Variants in CACNA2D1 observed in about 807,000 individuals in gnomAD.
CACNA2D1 encodes voltage-dependent calcium channel subunit alpha-2/delta-1.
A neutral mutation model predicts 171.5 loss-of-function variants in CACNA2D1; 53 were observed. The ratio of observed to expected loss-of-function variants is 0.31; its 90% confidence interval spans 0.25 to 0.39. The LOEUF (loss-of-function observed/expected upper bound fraction) is 0.39. Among genes scored for constraint, CACNA2D1 ranks in the 10% least tolerant of loss-of-function variants. The probability of loss-of-function intolerance (pLI) is 1.00; values close to 1 mark genes in which losing one functional copy is unlikely to be tolerated. For missense variants in CACNA2D1, 903 were observed against 1,299.8 expected, an observed-to-expected ratio of 0.69 and a Z score of 4.69; for synonymous variants, 442 against 443.1, an observed-to-expected ratio of 1.00 and a Z score of 0.03.
intron 1 of CACNA2D1, among the ~76,000 whole-genome samples, chr7:82,370,375 C>A (rs1167871067): frequency 6.6e-6 from 1 of 151,680 alleles, no homozygotes; most frequent in Non-Finnish European, 1.5e-5. Context: ...ATAAGTGGAG[C>A]AGTATACAGA....
At chr7:82,341,460 T>G (rs1818623928) in intron 2 of CACNA2D1, among the ~76,000 whole-genome samples, 1 of 152,182 alleles carries the variant, frequency 6.6e-6, no homozygotes, top group African/African-American at 2.4e-5. Context: ...ATTAGCTGTT[T>G]TAACAAAATG....
At chr7:82,120,381 T>G (rs1053267460) in intron 5 of CACNA2D1, among the ~76,000 whole-genome samples, 1 of 152,354 alleles carries the variant, frequency 6.6e-6, no homozygotes, top group East Asian at 1.9e-4. Context: ...CAGATATTAC[T>G]GATTTTAGAA....
At chr7:82,388,174 T>C (rs1181744352) in intron 1 of CACNA2D1, among the ~76,000 whole-genome samples, 3 of 152,142 alleles carry the variant, frequency 2.0e-5, no homozygotes, top group African/African-American at 4.8e-5. Context: ...TCTTCTTATA[T>C]AAAAACAGGA....
chr7:82,259,557 A>G (rs1381990272), intron 3 of CACNA2D1, among the ~76,000 whole-genome samples: 4 of 152,312 alleles, frequency 2.6e-5, no homozygotes, highest in Non-Finnish European at 5.9e-5. Context: ...TATTAACTAT[A>G]TACTACTTTC....
Position 81,948,565 on chromosome 7 carries a change from C to A in CACNA2D1, c.*1827G>T, listed in dbSNP as rs1792229353. 1 of 151,842 alleles carries A rather than the reference C, an allele frequency of 6.6e-6. No homozygotes were observed. The highest frequency in any genetic ancestry group is 1.5e-5 in the Non-Finnish European group (1 of 67,764). The allele number at this position is 151,842 out of a possible 1,614,324, so 9.4% of individuals were successfully genotyped here. ...AAGCTAAAAACAAAACAAATGTTATCTTTTAAGCTACGTTAAATTATTGGT... is the reference window on the plus strand; with the variant it reads ...AAGCTAAAAACAAAACAAATGTTATATTTTAAGCTACGTTAAATTATTGGT... On this transcript the variant is annotated 3_prime_UTR_variant, in exon 39 of 39. Coordinates refer to ENST00000356860, the MANE Select transcript of CACNA2D1 (RefSeq NM_000722.4).
At chr7:82,123,756 A>C (rs1790009855) in intron 5 of CACNA2D1, among the ~76,000 whole-genome samples, 1 of 152,138 alleles carries the variant, frequency 6.6e-6, no homozygotes, top group Non-Finnish European at 1.5e-5. Context: ...CTGAAAAATA[A>C]AATAATATAT....
chr7:82,110,875 G>A (rs530912526), intron 6 of CACNA2D1, among the ~76,000 whole-genome samples: 22 of 151,904 alleles, frequency 1.4e-4, no homozygotes, highest in African/African-American at 4.8e-4. Flanking sequence ...TATTTTTATC[G>A]AGAGCACTCA....
intron 10 of CACNA2D1, among the ~76,000 whole-genome samples, chr7:82,056,189 A>T (rs1162377325): frequency 6.6e-6 from 1 of 151,920 alleles, no homozygotes; most frequent in Non-Finnish European, 1.5e-5. Context: ...TATTGAGGCA[A>T]AATATAACTG....
At chr7:82,337,547 C>T (rs938032362) in intron 2 of CACNA2D1, among the ~76,000 whole-genome samples, 9 of 152,146 alleles carry the variant, frequency 5.9e-5, no homozygotes, top group Non-Finnish European at 1.3e-4. Context: ...ATATTTCAAA[C>T]ATATCTTGAG....
chr7:82,330,103 G>C (rs1351781896), intron 3 of CACNA2D1, among the ~76,000 whole-genome samples: 2 of 151,516 alleles, frequency 1.3e-5, no homozygotes, highest in South Asian at 4.2e-4. Context: ...CTATCAAAGA[G>C]ATAGCAACTA....
intron 3 of CACNA2D1, among the ~76,000 whole-genome samples, chr7:82,190,712 C>T (rs943742279): frequency 4.4e-4 from 66 of 151,700 alleles, no homozygotes; most frequent in African/African-American, 1.5e-3. Flanking sequence ...AAATCCATCA[C>T]CATTTCCTCT....
chr7:82,219,934 C>A (rs867834096), intron 3 of CACNA2D1, among the ~76,000 whole-genome samples: 1 of 152,094 alleles, frequency 6.6e-6, no homozygotes, highest in Middle Eastern at 3.2e-3. Flanking sequence ...GGATTTTATA[C>A]TTAGAATCTT....
intron 22 of CACNA2D1, among the ~76,000 whole-genome samples, chr7:81,983,849 A>G (rs1018789013): frequency 1.6e-4 from 25 of 152,212 alleles, no homozygotes; most frequent in Non-Finnish European, 2.1e-4. Context: ...AGCTTACTTT[A>G]AGATCAGATG....
At chr7:82,170,682 C>T in intron 3 of CACNA2D1, 73 bp from the exon 4 acceptor site, 1 of 1,325,152 alleles carries the variant, frequency 7.5e-7, no homozygotes, top group Non-Finnish European at 1.1e-6. Flanking sequence ...AATGCTTGCG[C>T]TTTCTAATCA....
intron 3 of CACNA2D1, among the ~76,000 whole-genome samples, chr7:82,266,709 G>A (rs1167398060): frequency 6.6e-6 from 1 of 151,896 alleles, no homozygotes; most frequent in Non-Finnish European, 1.5e-5. Context: ...CAGAGATGAG[G>A]TTTCACAATT....
At chr7:82,029,739 A>ATGTC (rs1423796684) in intron 12 of CACNA2D1, 1 of 151,768 alleles carries the variant, frequency 6.6e-6, no homozygotes, top group Non-Finnish European at 1.5e-5. Flanking sequence ...GTATGTATGT[A>ATGTC]TGTATGTATG....
rs59979323 is a variant in CACNA2D1 at position 81,995,798 on chromosome 7, C to CAAAAAA, written c.1663-865_1663-860dup. ...TGGGCGACAGAGCGAGACTCCACCTCAAAAAAAAAAAAAAAAAAAAGTGCA... is the reference window on the plus strand; with the variant it reads ...TGGGCGACAGAGCGAGACTCCACCTCAAAAAAAAAAAAAAAAAAAAAAAAAAGTGCA... On this transcript the variant is annotated intron_variant, in intron 19 of 38. Transcript: ENST00000356860. Among the ~76,000 whole-genome samples the CAAAAAA allele has an allele frequency of 2.2e-3, 224 of 101,514 alleles. 2 individuals are homozygous for CAAAAAA. The highest frequency in any genetic ancestry group is 7.2e-3 in the African/African-American group (210 of 29,166). 66.6% of individuals were successfully genotyped at this position (101,514 alleles called of 152,430 possible).
rs1221285240 is a variant in CACNA2D1 at position 82,291,366 on chromosome 7, A to G, written c.294+43769T>C. Among the ~76,000 whole-genome samples, 10 of 129,390 alleles carry G rather than the reference A, an allele frequency of 7.7e-5. No homozygotes were observed. In the East Asian group the frequency reaches 2.1e-3, roughly 27 times the overall value. The allele number at this position is 129,390 out of a possible 152,430, so 84.9% of individuals were successfully genotyped here. A position where few individuals can be genotyped will look rare whatever the true frequency, so the allele number is the denominator to read the frequency against. ...TTTATACATCTATTTAGATATATAG[A>G]TATCTTTATACATCTATATCTATCT... is the stretch of plus-strand genomic sequence containing the variant. On this transcript the variant is annotated intron_variant, in intron 3 of 38. Coordinates refer to ENST00000356860, the MANE Select transcript of CACNA2D1 (RefSeq NM_000722.4).
intron 6 of CACNA2D1, among the ~76,000 whole-genome samples, chr7:82,088,961 G>T (rs1810808372): frequency 1.3e-5 from 2 of 151,766 alleles, no homozygotes. Context: ...TCACAACAGG[G>T]TTCATGCTCC....
Sources: gnomAD v4.1 joint callset for allele counts (sites outside exome capture counted in the v4.1 genomes callset) on GRCh38, gnomAD v4.1.1 for gene constraint, MANE v1.5 for transcripts, NCBI Gene and HGNC (gene_info 2026-07-23, HGNC 2026-07-21) for gene names.